The following RBM20 variants were observed in gnomAD, a reference collection of about 807,000 sequenced individuals.
RBM20 encodes RNA-binding protein 20.
RBM20 carries 51 observed loss-of-function variants against 110.1 expected under a neutral mutation model. That is an observed-to-expected ratio of 0.46 (90% CI 0.37 to 0.59). RBM20 has a LOEUF of 0.59. RBM20 is among the 20% of genes least tolerant of loss of function. RBM20 has a pLI of 0.00. For missense variants in RBM20, 1,512 were observed against 1,574.9 expected (o/e 0.96, Z 0.68); for synonymous variants, 589 against 618.2 (o/e 0.95, Z 0.70).
At chr10:110,810,570 C>T in intron 8 of RBM20, 108 bp downstream of exon 8, 1 of 703,528 alleles carries the variant, frequency 1.4e-6, no homozygotes, top group Non-Finnish European at 2.3e-6. Context: ...GTTCTTGCCC[C>T]TACCCCATCC....
rs141933717 is a variant in RBM20, at chr10:110,758,769, G to GA, written c.192-22027dup. On this transcript the variant is annotated intron_variant, in intron 1 of 13. Transcript: ENST00000369519. ...AATATTAATAATTTAAATTTAAATA[G>GA]AAAAATGTGGCAAATAGCTATCCTA... is the stretch of plus-strand genomic sequence containing the variant. 1.4e-3 allele frequency among the ~76,000 whole-genome samples: 206 copies of GA among 152,238 alleles called. 2 individuals are homozygous for GA. The East Asian group carries it at 0.023, about 17-fold the overall frequency.
intron 1 of RBM20, among the ~76,000 whole-genome samples, chr10:110,705,473 C>G (rs1433755304): frequency 1.3e-5 from 2 of 152,152 alleles, no homozygotes; most frequent in African/African-American, 2.4e-5. Context: ...ATCGATAATA[C>G]TGCAGGGATT....
intron 1 of RBM20, among the ~76,000 whole-genome samples, chr10:110,725,034 A>G (rs1843546498): frequency 6.6e-6 from 1 of 152,200 alleles, no homozygotes; most frequent in South Asian, 2.1e-4. Context: ...ACTGTCACTG[A>G]GCTCTATTAA....
At chr10:110,735,760 G>A (rs1391277409) in intron 1 of RBM20, among the ~76,000 whole-genome samples, 3 of 152,132 alleles carry the variant, frequency 2.0e-5, no homozygotes, top group Non-Finnish European at 2.9e-5. Flanking sequence ...GTTAAGCATC[G>A]GCTACTACAT....
rs996057035 is a variant in RBM20, at chr10:110,797,501, C to T, written c.1528-7C>T. The T allele has an allele frequency of 1.3e-6, 2 of 1,547,718 alleles. No homozygotes were observed. Among genetic ancestry groups the T allele is most frequent in the Non-Finnish European group, 1.7e-6 (2 of 1,144,748 alleles). On this transcript the variant is annotated splice_region_variant and splice_polypyrimidine_tract_variant and intron_variant, in intron 5 of 13. Transcript: ENST00000369519. ...TGAATACCACTAATGATCTTTGTTC[C>T]CATTAGTTTGCACAGCGGAAAGGGG...
At chr10:110,767,776 C>T (rs1270255497) in intron 1 of RBM20, among the ~76,000 whole-genome samples, 3 of 151,978 alleles carry the variant, frequency 2.0e-5, no homozygotes, top group Non-Finnish European at 2.9e-5. Context: ...GGGATGGCAG[C>T]CGAGAAGAGG....
rs1376586162 is a variant in RBM20 at position 110,826,187 on chromosome 10, T to A, written c.3451+2573T>A. On this transcript the variant is annotated intron_variant, in intron 12 of 13. Transcript: ENST00000369519. ...TCCACCTCCCATTGGATTTTATCAG[T>A]TTTTAATCTTTCCTAACCAGTTAGG... Among the ~76,000 whole-genome samples the A allele has an allele frequency of 2.0e-5, 3 of 152,240 alleles. No individual in the cohort carries two copies. In the East Asian group the frequency reaches 5.8e-4, roughly 29 times the overall value.
At chr10:110,678,793 T>G (rs1249551577) in intron 1 of RBM20, among the ~76,000 whole-genome samples, 5 of 152,176 alleles carry the variant, frequency 3.3e-5, no homozygotes, top group Admixed American at 6.5e-5. Flanking sequence ...CTAATGAAGA[T>G]GTGACATTTT....
intron 1 of RBM20, among the ~76,000 whole-genome samples, chr10:110,685,689 G>T (rs2134867304): frequency 6.6e-6 from 1 of 152,228 alleles, no homozygotes; most frequent in South Asian, 2.1e-4. Flanking sequence ...TGCCTAGAAA[G>T]GGAATGGCTG....
chr10:110,693,940 G>T (rs543558554), intron 1 of RBM20, among the ~76,000 whole-genome samples: 1 of 152,280 alleles, frequency 6.6e-6, no homozygotes, highest in South Asian at 2.1e-4. Context: ...CATTTAATTT[G>T]TGTAGCAGAA....
At chr10:110,682,387 C>T (rs571449294) in intron 1 of RBM20, among the ~76,000 whole-genome samples, 1 of 152,052 alleles carries the variant, frequency 6.6e-6, no homozygotes, top group Non-Finnish European at 1.5e-5. Context: ...CTATCTAGGG[C>T]CAGATAGTAA....
Position 110,835,897 on chromosome 10 carries a change from C to G in RBM20, c.3603C>G (p.Gly1201=), listed in dbSNP as rs397516617. The G allele has an allele frequency of 1.0e-5, 16 of 1,548,692 alleles. No individual in the cohort carries two copies. The highest frequency in any genetic ancestry group is 2.7e-5 in the African/African-American group (2 of 72,950). ...QKYLSQLAEE[G]LKETEGADSP... ...ATTTGTCCCAGCTGGCCGAGGAGGGCCTCAAGGAGACCGAGGGGGCAGATA... is the reference window on the plus strand; with the variant it reads ...ATTTGTCCCAGCTGGCCGAGGAGGGGCTCAAGGAGACCGAGGGGGCAGATA... The change falls in exon 14 of 14, where the codon GGC becomes GGG. Residue 1201 remains glycine (G), a synonymous_variant. Coordinates refer to ENST00000369519, the MANE Select transcript of RBM20 (RefSeq NM_001134363.3).
intron 7 of RBM20, among the ~76,000 whole-genome samples, chr10:110,810,107 A>G (rs1844745670): frequency 6.6e-6 from 1 of 151,990 alleles, no homozygotes; most frequent in African/African-American, 2.4e-5. Flanking sequence ...GGTGGGTATT[A>G]ACAAATGCTG....
chr10:110,742,255 C>T (rs1203638776), intron 1 of RBM20, among the ~76,000 whole-genome samples: 1 of 152,214 alleles, frequency 6.6e-6, no homozygotes, highest in Non-Finnish European at 1.5e-5. Flanking sequence ...GCACTACTGC[C>T]CTCTCCCAAG....
intron 1 of RBM20, among the ~76,000 whole-genome samples, chr10:110,663,209 C>T (rs1172492454): frequency 5.3e-5 from 8 of 152,204 alleles, no homozygotes; most frequent in Admixed American, 1.3e-4. Flanking sequence ...CCACCTGCCT[C>T]AGCCTCCCAA....
chr10:110,747,852 C>CCTTTTAGAAAGTTTTCTTTCTGA (rs1843802357), intron 1 of RBM20, among the ~76,000 whole-genome samples: 3 of 54,866 alleles, frequency 5.5e-5, no homozygotes. Flanking sequence ...TTTCTTTCTG[C>CCTTTTAGAAAGTTTTCTTTCTGA]AAGAGAAAGC....
intron 1 of RBM20, among the ~76,000 whole-genome samples, chr10:110,766,358 G>C (rs1453797893): frequency 2.7e-5 from 4 of 147,708 alleles, no homozygotes; most frequent in Admixed American, 6.8e-5. Context: ...GATCATTCTT[G>C]GGTGTTTCTC....
At chr10:110,679,789 G>A (rs1206925217) in intron 1 of RBM20, among the ~76,000 whole-genome samples, 1 of 152,170 alleles carries the variant, frequency 6.6e-6, no homozygotes, top group Non-Finnish European at 1.5e-5. Flanking sequence ...AGGCAGGTCC[G>A]CCTTCCTCTA....
rs1233780273 is a variant in RBM20 at position 110,780,955 on chromosome 10, GC to G, written c.348del (p.Ala117ProfsTer4). 3 of 1,551,662 alleles carry G rather than the reference GC, an allele frequency of 1.9e-6. No individual in the cohort carries two copies. ...AQTAVTNNTA[A>X]ATVLNQVLSK... ...GACAGCTGTCACCAACAACACTGCA[GC>G]CGCCACAGTCCTGAACCAAGTCCTC... On this transcript the variant is annotated frameshift_variant, in exon 2 of 14. Coordinates refer to ENST00000369519, the MANE Select transcript of RBM20 (RefSeq NM_001134363.3). LOFTEE classifies it high-confidence loss of function.
Sources: gnomAD v4.1 joint callset for allele counts (sites outside exome capture counted in the v4.1 genomes callset) on GRCh38, gnomAD v4.1.1 for gene constraint, MANE v1.5 for transcripts, NCBI Gene and HGNC (gene_info 2026-07-23, HGNC 2026-07-21) for gene names.